Variants in FCAMR observed in about 807,000 individuals in gnomAD.
The protein encoded by FCAMR is Fc alpha and mu receptor.
FCAMR carries 51 observed loss-of-function variants against 52.2 expected under a neutral mutation model. The observed-to-expected ratio is 0.98, with a 90% CI of 0.78 to 1.23. The LOEUF is 1.23. Among genes scored for constraint, FCAMR ranks in the 50% most tolerant of loss-of-function variants. The pLI is 0.00. For synonymous variants in FCAMR, 282 were observed against 262.0 expected (o/e 1.08, Z -0.74); for missense variants, 719 against 712.6 (o/e 1.01, Z -0.10).
chr1:206,970,278 G>A lies in FCAMR; in HGVS notation c.-153C>T. 1.4e-6 allele frequency: 1 copy of A among 737,938 alleles called. No homozygotes were observed. The highest frequency in any genetic ancestry group is 2.7e-5 in the East Asian group (1 of 36,848). The allele number at this position is 737,938 out of a possible 1,614,324, so 45.7% of individuals were successfully genotyped here. A position where few individuals can be genotyped will look rare whatever the true frequency, so the allele number is the denominator to read the frequency against. On this transcript the variant is annotated 5_prime_UTR_variant, in exon 1 of 8. Coordinates refer to ENST00000324852, the MANE Select transcript of FCAMR (RefSeq NM_001170631.2). ...CTGGAGCTAGCAACGGAAGGTCGGG[G>A]TGCAAGGCGTAGCTCTGCCACTCAC...
At chr1:206,960,395 C>T (rs2102616643) in intron 6 of FCAMR, 27 bp downstream of exon 6, 1 of 1,464,876 alleles carries the variant, frequency 6.8e-7, no homozygotes, top group Non-Finnish European at 9.0e-7. Context: ...TGGGGCCCCC[C>T]AACCGGGAGA....
Position 206,960,430 on chromosome 1 carries a change from G to A in FCAMR, c.1446C>T (p.Ser482=), listed in dbSNP as rs550772116. ...AAGGTGCCTGGGGTTACCGCTTCACGGAGGACTCCTTGCCAGGGGGTCCCC... is the reference window on the plus strand; with the variant it reads ...AAGGTGCCTGGGGTTACCGCTTCACAGAGGACTCCTTGCCAGGGGGTCCCC... ...GPWGPPGKES[S]VKRTFPEDES... Residue 482 remains serine, a synonymous_variant, in exon 6 of 8, where the codon TCC becomes TCT. Coordinates refer to ENST00000324852, the MANE Select transcript of FCAMR (RefSeq NM_001170631.2). 22 of 1,496,568 alleles carry A rather than the reference G, an allele frequency of 1.5e-5. No homozygotes were observed. The highest frequency in any genetic ancestry group is 5.4e-5 in the South Asian group (4 of 73,854). 92.7% of individuals were successfully genotyped at this position (1,496,568 alleles called of 1,614,324 possible).
chr1:206,960,210 A>G (rs1369039197), intron 6 of FCAMR: 1 of 571,548 alleles, frequency 1.7e-6, no homozygotes. Context: ...TTGTCTTTCT[A>G]TCATTTAGAT....
At chr1:206,959,000 A>G (rs7556372) in intron 7 of FCAMR, 246,947 of 503,768 alleles carry the variant, frequency 0.49, 65,941 homozygotes, top group African/African-American at 0.86. Flanking sequence ...GGGCTTTGCC[A>G]AAGGGGGAAA....
In FCAMR at chr1:206,958,629, C is replaced by A. The variant is rs1228632129; in HGVS notation, c.1621G>T (p.Glu541Ter). 1.7e-5 allele frequency: 28 copies of A among 1,613,854 alleles called. No individual in the cohort carries two copies. The highest frequency in any genetic ancestry group is 2.3e-5 in the Non-Finnish European group (27 of 1,180,030). The change falls in exon 8 of 8, where the codon GAA (glutamate) becomes TAA (stop). Residue 541 changes from glutamate (E) to a stop codon, truncating the protein, a stop_gained. Coordinates refer to ENST00000324852, the MANE Select transcript of FCAMR (RefSeq NM_001170631.2). LOFTEE classifies it low-confidence loss of function (END_TRUNC). ...VTLIQMTHFL[E>*]VNPQADQLPH... ...AGCTGGTCTGCTTGGGGGTTCACTT[C>A]CAGAAAATGTGTCATCTGAATTAAG... is the stretch of plus-strand genomic sequence containing the variant.
intron 4 of FCAMR, among the ~76,000 whole-genome samples, chr1:206,963,403 C>T (rs1335573934): frequency 2.0e-5 from 3 of 152,194 alleles, no homozygotes; most frequent in African/African-American, 7.2e-5. Flanking sequence ...TTCATTCTTT[C>T]TCTCACTGCC....
chr1:206,964,438 A>G (rs1336694809), intron 4 of FCAMR, among the ~76,000 whole-genome samples: 5 of 151,710 alleles, frequency 3.3e-5, no homozygotes, highest in South Asian at 2.1e-4. Flanking sequence ...GTGATTCCCA[A>G]TGTTGAGGGT....
Position 206,958,111 on chromosome 1 carries a change from A to C in FCAMR, c.*405T>G, listed in dbSNP as rs929404958. On this transcript the variant is annotated 3_prime_UTR_variant, in exon 8 of 8. Coordinates refer to ENST00000324852, the MANE Select transcript of FCAMR (RefSeq NM_001170631.2). ...AGGCTGGTACACTTAAATATAATACATGTGAATGGGAGGCTGAGTGCTAAC... is the reference window on the plus strand; with the variant it reads ...AGGCTGGTACACTTAAATATAATACCTGTGAATGGGAGGCTGAGTGCTAAC... 1.8e-5 allele frequency: 3 copies of C among 162,582 alleles called. No individual in the cohort carries two copies. Among genetic ancestry groups the C allele is most frequent in the African/African-American group, 7.2e-5 (3 of 41,708 alleles). The allele number at this position is 162,582 out of a possible 1,614,324, so 10.1% of individuals were successfully genotyped here. A position where few individuals can be genotyped will look rare whatever the true frequency, so the allele number is the denominator to read the frequency against.
At chr1:206,969,154 C>G (rs1319751798) in intron 1 of FCAMR, 3 of 336,330 alleles carry the variant, frequency 8.9e-6, no homozygotes, top group Non-Finnish European at 1.8e-5. Flanking sequence ...TACCTAGACT[C>G]CCCCGGGTGA....
At chr1:206,966,531 G>T (rs1453731353) in intron 3 of FCAMR, among the ~76,000 whole-genome samples, 3 of 152,264 alleles carry the variant, frequency 2.0e-5, no homozygotes, top group South Asian at 2.1e-4. Context: ...GACTACAGGT[G>T]CGTGCCACCA....
chr1:206,959,253 G>T (rs1680393484), intron 7 of FCAMR, among the ~76,000 whole-genome samples: 1 of 152,170 alleles, frequency 6.6e-6, no homozygotes, highest in African/African-American at 2.4e-5. Flanking sequence ...GGAGGCCAAG[G>T]ATCACTTGAT....
At chr1:206,965,986 A>G (rs920835138) in intron 3 of FCAMR, 128 bp from the exon 4 acceptor site, 13 of 1,289,822 alleles carry the variant, frequency 1.0e-5, no homozygotes, top group East Asian at 2.6e-5. Flanking sequence ...CCATCCATCA[A>G]GTAAGAGCTG....
chr1:206,968,504 G>A (rs568819348), intron 1 of FCAMR, among the ~76,000 whole-genome samples: 3 of 152,194 alleles, frequency 2.0e-5, no homozygotes, highest in Non-Finnish European at 4.4e-5. Context: ...AAAGTTAGCC[G>A]TTGAGTTTTT....
intron 3 of FCAMR, among the ~76,000 whole-genome samples, chr1:206,966,748 T>C (rs1680725284): frequency 6.6e-6 from 1 of 152,240 alleles, no homozygotes; most frequent in African/African-American, 2.4e-5. Flanking sequence ...AATCCTTTTT[T>C]TGGTATTATG....
At chr1:206,964,733 T>C (rs112955964) in intron 4 of FCAMR, among the ~76,000 whole-genome samples, 38 of 152,248 alleles carry the variant, frequency 2.5e-4, no homozygotes, top group African/African-American at 9.1e-4. Flanking sequence ...CTTTTCTTTA[T>C]AAATTACCCA....
In FCAMR at chr1:206,967,097, C is replaced by A; in HGVS notation, c.124G>T (p.Ala42Ser). ...LPQSHVTSRR[A>S]GWKMPLFLIL... ...AGGAAGAGGGGCATTTTCCATCCCG[C>A]CCTCCTGCTGGTGACCTGCAAAAAA... is the stretch of plus-strand genomic sequence containing the variant. Residue 42 changes from alanine (A) to serine (S), a missense_variant, in exon 3 of 8, where the codon GCG becomes TCG. Coordinates refer to ENST00000324852, the MANE Select transcript of FCAMR (RefSeq NM_001170631.2). 1 of 1,613,914 alleles carries A rather than the reference C, an allele frequency of 6.2e-7. No homozygotes were observed. Among genetic ancestry groups the A allele is most frequent in the Non-Finnish European group, 8.5e-7 (1 of 1,179,988 alleles).
At chr1:206,968,332 T>TCAA (rs143325039) in intron 1 of FCAMR, among the ~76,000 whole-genome samples, 34,082 of 151,904 alleles carry the variant, frequency 0.22, 4,272 homozygotes, top group Middle Eastern at 0.43. Context: ...AGACTCTGTC[T>TCAA]CAACAACAAC....
chr1:206,967,553 T>C, intron 2 of FCAMR, 30 bp downstream of exon 2: 8 of 1,609,444 alleles, frequency 5.0e-6, no homozygotes, highest in Non-Finnish European at 6.8e-6. Flanking sequence ...AATGAAGGAA[T>C]CTGCAAGGGG....
rs1680457792 is a variant in FCAMR, at chr1:206,960,438, C to T, written c.1438G>A (p.Glu480Lys). ...AVGPWGPPGKESSVKRTFPED... is the reference protein window; with the variant it reads ...AVGPWGPPGKKSSVKRTFPED... ...TGGGGTTACCGCTTCACGGAGGACT[C>T]CTTGCCAGGGGGTCCCCAGGGTCCT... Residue 480 changes from glutamate to lysine, a missense_variant, in exon 6 of 8, where the codon GAG becomes AAG. By Grantham distance (56) the Glu-to-Lys change is moderately conservative. Coordinates refer to ENST00000324852, the MANE Select transcript of FCAMR (RefSeq NM_001170631.2). 6.6e-7 allele frequency: 1 copy of T among 1,506,104 alleles called. No homozygotes were observed. The highest frequency in any genetic ancestry group is 8.9e-7 in the Non-Finnish European group (1 of 1,126,564). 93.3% of individuals were successfully genotyped at this position (1,506,104 alleles called of 1,614,324 possible). A position where few individuals can be genotyped will look rare whatever the true frequency, so the allele number is the denominator to read the frequency against.
Sources: allele counts gnomAD v4.1 joint callset (sites outside exome capture counted in the v4.1 genomes callset), GRCh38; gene constraint gnomAD v4.1.1; transcripts MANE v1.5; gene names NCBI Gene and HGNC (gene_info 2026-07-23, HGNC 2026-07-21).